The following ZPBP variants were observed in gnomAD, a reference collection of about 807,000 sequenced individuals.
ZPBP encodes zona pellucida-binding protein 1.
ZPBP carries 26 observed loss-of-function variants against 44.8 expected under a neutral mutation model. That is an observed-to-expected ratio of 0.58 (90% CI 0.43 to 0.81). The LOEUF is 0.81. Ranked by LOEUF, ZPBP falls within the 30% of genes least tolerant of loss-of-function variation. The pLI is 0.00. For synonymous variants in ZPBP, 174 were observed against 153.2 expected (o/e 1.14, Z -1.00); for missense variants, 409 against 434.0 (o/e 0.94, Z 0.51).
chr7:50,079,902 G>A (rs1034498496), intron 3 of ZPBP, among the ~76,000 whole-genome samples: 6 of 151,548 alleles, frequency 4.0e-5, no homozygotes, highest in African/African-American at 1.5e-4. Flanking sequence ...TACAGAACTT[G>A]TTGCAATAAA....
downstream of ZPBP, among the ~76,000 whole-genome samples, chr7:49,935,338 ATAAT>A (rs72460874): frequency 0.029 from 4,345 of 152,218 alleles, 225 homozygotes; most frequent in African/African-American, 0.099. Context: ...AGAAAAAGAA[ATAAT>A]TAATGTTTTC....
At chr7:49,915,783 T>C (rs1433039205) in intron 1 of ZPBP, 1 of 152,210 alleles carries the variant, frequency 6.6e-6, no homozygotes, top group African/African-American at 2.4e-5. Flanking sequence ...CATTGTTATT[T>C]TTAATATCAT....
chr7:50,076,311 C>G (rs939606087), intron 3 of ZPBP, among the ~76,000 whole-genome samples: 5 of 151,828 alleles, frequency 3.3e-5, no homozygotes. Context: ...CAGCCAGTAT[C>G]ATACTGAATG....
chr7:49,904,358 G>C lies in ZPBP; in HGVS notation n.412-3143C>G, dbSNP rs78131834. Among the ~76,000 whole-genome samples the C allele has an allele frequency of 1.9e-4, 29 of 152,224 alleles. 1 individual carries two copies. The East Asian group carries it at 5.6e-3, about 29-fold the overall frequency. ...ACTTTGGGAAAAAAACTGAGTGAAG[G>C]CTGCATAGGACCTCCTACTCCCTTT... On this transcript the variant is annotated intron_variant and non_coding_transcript_variant, in intron 1 of 2. Transcript: ENST00000465922.
intron 7 of ZPBP, among the ~76,000 whole-genome samples, chr7:49,974,943 A>G (rs1031874083): frequency 1.0e-4 from 5 of 48,816 alleles, no homozygotes; most frequent in Non-Finnish European, 2.2e-4. Flanking sequence ...GGGGAAATGG[A>G]GTGACTGGCT....
intron 7 of ZPBP, chr7:49,943,625 C>T (rs1794979758): frequency 9.1e-6 from 3 of 328,638 alleles, no homozygotes; most frequent in South Asian, 2.9e-5. Flanking sequence ...GAGAGGACAG[C>T]AACCCATCAT....
intron 7 of ZPBP, among the ~76,000 whole-genome samples, chr7:49,968,590 T>C (rs1057327198): frequency 2.0e-5 from 3 of 152,068 alleles, no homozygotes; most frequent in African/African-American, 7.2e-5. Context: ...GTAAGTACAA[T>C]CATGCAAGCA....
intron 4 of ZPBP, among the ~76,000 whole-genome samples, chr7:50,034,400 T>C (rs1433186401): frequency 2.0e-5 from 3 of 152,180 alleles, no homozygotes; most frequent in African/African-American, 7.2e-5. Context: ...AACTTATGTA[T>C]GTACAGAAAG....
chr7:49,871,515 G>A (rs1244516869), intron 2 of ZPBP, among the ~76,000 whole-genome samples: 1 of 151,984 alleles, frequency 6.6e-6, no homozygotes, highest in Non-Finnish European at 1.5e-5. Context: ...GGCTTGGTGG[G>A]GTTTCCATTA....
chr7:49,923,952 C>T (rs966758297), intron 1 of ZPBP, among the ~76,000 whole-genome samples: 2 of 152,010 alleles, frequency 1.3e-5, no homozygotes, highest in Admixed American at 6.6e-5. Context: ...GGCGAAGCCC[C>T]GTCTCTACAA....
In ZPBP at chr7:49,871,934, CACACACACA is replaced by C. The variant is rs1313103155; in HGVS notation, n.510-21429_510-21421del. Among the ~76,000 whole-genome samples, 35 of 135,686 alleles carry C rather than the reference CACACACACA, an allele frequency of 2.6e-4. 2 individuals are homozygous for C. In the East Asian group the frequency reaches 7.2e-3, roughly 28 times the overall value. 89.0% of individuals were successfully genotyped at this position (135,686 alleles called of 152,430 possible). A position where few individuals can be genotyped will look rare whatever the true frequency, so the allele number is the denominator to read the frequency against. On this transcript the variant is annotated intron_variant and non_coding_transcript_variant, in intron 2 of 2. Transcript: ENST00000465922. ...ACACACACACACACACACACACACA[CACACACACA>C]CACACACACACACACCGAGAAAGAG...
intron 7 of ZPBP, among the ~76,000 whole-genome samples, chr7:49,982,246 TTATA>T (rs1797033105): frequency 9.2e-6 from 1 of 109,090 alleles, no homozygotes; most frequent in African/African-American, 3.6e-5. Context: ...TATAATTATA[TTATA>T]TATTTATATT....
At chr7:50,016,492 C>T (rs913093733) in intron 6 of ZPBP, among the ~76,000 whole-genome samples, 3 of 151,968 alleles carry the variant, frequency 2.0e-5, no homozygotes, top group Non-Finnish European at 4.4e-5. Flanking sequence ...ACACCAAACC[C>T]CAACGATGTG....
intron 4 of ZPBP, among the ~76,000 whole-genome samples, chr7:50,044,117 G>A (rs1046879054): frequency 6.6e-6 from 1 of 152,168 alleles, no homozygotes; most frequent in Non-Finnish European, 1.5e-5. Context: ...TGGAACCAAT[G>A]AGAACAAAGA....
chr7:50,023,605 A>C (rs1799194222), intron 5 of ZPBP, among the ~76,000 whole-genome samples: 1 of 152,126 alleles, frequency 6.6e-6, no homozygotes, highest in African/African-American at 2.4e-5. Flanking sequence ...ACACACACAA[A>C]AATGGAAAAC....
At position 49,987,890 on chromosome 7, in the gene ZPBP, T is replaced by C. The variant is rs188562918; in HGVS notation, c.784-4371A>G. Among the ~76,000 whole-genome samples the C allele has an allele frequency of 2.6e-5, 4 of 152,242 alleles. No homozygotes were observed. In the East Asian group the frequency reaches 7.7e-4, roughly 29 times the overall value. On this transcript the variant is annotated intron_variant, in intron 6 of 7. Transcript: ENST00000046087. ...CTTTTAGTTCACGTGACATTAATTT[T>C]TGAAAAATAAAAACAGCCTTAAAGA...
At chr7:50,064,025 T>G (rs1380223518) in intron 3 of ZPBP, among the ~76,000 whole-genome samples, 1 of 152,220 alleles carries the variant, frequency 6.6e-6, no homozygotes, top group Non-Finnish European at 1.5e-5. Context: ...CTCTTATGTA[T>G]CGGGGGACCT....
At chr7:49,857,391 A>AT (rs1790470055) in intron 2 of ZPBP, among the ~76,000 whole-genome samples, 1 of 152,194 alleles carries the variant, frequency 6.6e-6, no homozygotes, top group Non-Finnish European at 1.5e-5. Context: ...TGAATATTCC[A>AT]ATGTAGGCAT....
chr7:49,897,455 G>A (rs181956462), intron 2 of ZPBP, among the ~76,000 whole-genome samples: 6 of 152,302 alleles, frequency 3.9e-5, no homozygotes, highest in African/African-American at 1.4e-4. Context: ...AACAAGGGGA[G>A]TTTATTCCAG....
Sources: allele counts gnomAD v4.1 joint callset (sites outside exome capture counted in the v4.1 genomes callset), GRCh38; gene constraint gnomAD v4.1.1; transcripts MANE v1.5; gene names NCBI Gene and HGNC (gene_info 2026-07-23, HGNC 2026-07-21).